SNX21: variants seen among roughly 807,000 people sequenced by gnomAD.
The protein encoded by SNX21 is sorting nexin family member 21.
A neutral mutation model predicts 30.9 loss-of-function variants in SNX21; 36 were observed. That is an observed-to-expected ratio of 1.16 (90% CI 0.89 to 1.54). The LOEUF (loss-of-function observed/expected upper bound fraction) is 1.54. Among genes scored for constraint, SNX21 ranks in the 40% most tolerant of loss-of-function variants. The pLI, the probability that SNX21 is intolerant of heterozygous loss-of-function variation, is 0.00. For synonymous variants in SNX21, 218 were observed against 222.7 expected, an observed-to-expected ratio of 0.98 and a Z score of 0.19; for missense variants, 508 against 516.5, an observed-to-expected ratio of 0.98 and a Z score of 0.16.
At chr20:45,839,408 C>T (rs903876264) in intron 3 of SNX21, among the ~76,000 whole-genome samples, 6 of 151,822 alleles carry the variant, frequency 4.0e-5, no homozygotes, top group Non-Finnish European at 8.8e-5. Context: ...CCCAGCTACT[C>T]GGGAGGCTGA....
At chr20:45,838,534 A>C (rs1423794233) in intron 3 of SNX21, among the ~76,000 whole-genome samples, 1 of 151,642 alleles carries the variant, frequency 6.6e-6, no homozygotes, top group Non-Finnish European at 1.5e-5. Flanking sequence ...TGGGCAGATC[A>C]CCTGAGGTCA....
At chr20:45,834,064 A>G (rs2145733045) in intron 1 of SNX21, 124 bp downstream of exon 1, 5 of 1,405,600 alleles carry the variant, frequency 3.6e-6, no homozygotes, top group Non-Finnish European at 4.7e-6. Flanking sequence ...CTGGTTCGCA[A>G]GACCTCGGAC....
chr20:45,839,055 G>A (rs1983783452), intron 3 of SNX21, among the ~76,000 whole-genome samples: 2 of 151,892 alleles, frequency 1.3e-5, no homozygotes, highest in Non-Finnish European at 2.9e-5. Flanking sequence ...CACCACGCCT[G>A]GCTAATTTTG....
Position 45,834,449 on chromosome 20 carries a change from G to T in SNX21, c.270G>T (p.Gly90=). 2.5e-6 allele frequency: 4 copies of T among 1,605,068 alleles called. No individual in the cohort carries two copies. The highest frequency in any genetic ancestry group is 3.4e-6 in the Non-Finnish European group (4 of 1,179,252). ...CTGACCAGCTGCCCCTCGGGGATGG[G>T]ACGTCAGGAGAAGACGCAGGCGAGT... ...AGPDQLPLGD[G]TSGEDAERSP... The change falls in exon 2 of 4, where the codon GGG becomes GGT. Residue 90 remains glycine, a synonymous_variant. Transcript: ENST00000491381.
rs10700546 is a variant in SNX21 at position 45,839,750 on chromosome 20, A to AT, written c.448-882dup. 0.01 allele frequency among the ~76,000 whole-genome samples: 1,497 copies of AT among 149,372 alleles called. 56 individuals are homozygous for AT. In the East Asian group the frequency reaches 0.13, roughly 13 times the overall value. Reference sequence around the variant, plus strand: ...TCTCCATACAAAAAAAAAAAAAAAAATTTTTTTAAATAGCTGAGTGTGGTG... The same window carrying AT: ...TCTCCATACAAAAAAAAAAAAAAAAATTTTTTTTAAATAGCTGAGTGTGGTG... On this transcript the variant is annotated intron_variant, in intron 3 of 3. Transcript: ENST00000491381.
intron 3 of SNX21, 52 bp from the exon 4 acceptor site, chr20:45,840,587 G>C: frequency 1.2e-6 from 2 of 1,613,900 alleles, no homozygotes; most frequent in East Asian, 4.5e-5. Flanking sequence ...GATGGGGAGG[G>C]AACGGGCCCG....
At position 45,842,380 on chromosome 20, in the gene SNX21, G is replaced by C; in HGVS notation, c.*1067G>C. ...TGAGAACAGTCTCCTTCAACAGCTCGGCCAAGCAGAACTGCTGTACCTCTG... is the reference window on the plus strand; with the variant it reads ...TGAGAACAGTCTCCTTCAACAGCTCCGCCAAGCAGAACTGCTGTACCTCTG... On this transcript the variant is annotated 3_prime_UTR_variant, in exon 4 of 4. Transcript: ENST00000491381. 2 of 1,284,080 alleles carry C rather than the reference G, an allele frequency of 1.6e-6. No homozygotes were observed. Among genetic ancestry groups the C allele is most frequent in the East Asian group, 3.4e-5 (1 of 29,082 alleles). 79.5% of individuals were successfully genotyped at this position (1,284,080 alleles called of 1,614,324 possible). A position where few individuals can be genotyped will look rare whatever the true frequency, so the allele number is the denominator to read the frequency against.
chr20:45,841,730 A>G lies in SNX21; in HGVS notation c.*417A>G. On this transcript the variant is annotated 3_prime_UTR_variant, in exon 4 of 4. Transcript: ENST00000491381. Reference sequence around the variant, plus strand: ...ATTAAAAGCCAGCCACTCCAGTGGTATCAGTCTCTTTATTGGATGTGAGGG... The same window carrying G: ...ATTAAAAGCCAGCCACTCCAGTGGTGTCAGTCTCTTTATTGGATGTGAGGG... 7.0e-7 allele frequency: 1 copy of G among 1,437,560 alleles called. No homozygotes were observed. The highest frequency in any genetic ancestry group is 2.9e-5 in the Admixed American group (1 of 34,738). 89.1% of individuals were successfully genotyped at this position (1,437,560 alleles called of 1,614,324 possible). A position where few individuals can be genotyped will look rare whatever the true frequency, so the allele number is the denominator to read the frequency against.
chr20:45,834,173 G>A, intron 1 of SNX21, 28 bp from the exon 2 acceptor site: 2 of 1,468,752 alleles, frequency 1.4e-6, no homozygotes, highest in South Asian at 1.4e-5. Flanking sequence ...TCCGGGATCC[G>A]GTACACAGCG....
chr20:45,841,612 C>G lies in SNX21; in HGVS notation c.*299C>G. 4 of 1,400,842 alleles carry G rather than the reference C, an allele frequency of 2.9e-6. No individual in the cohort carries two copies. The highest frequency in any genetic ancestry group is 3.7e-6 in the Non-Finnish European group (4 of 1,085,192). 86.8% of individuals were successfully genotyped at this position (1,400,842 alleles called of 1,614,324 possible). ...GTTCCCTTGTTGGTGGGCCCCCAAG[C>G]TGGCAAGGCCTCTTGGCTGAAGGCC... On this transcript the variant is annotated 3_prime_UTR_variant, in exon 4 of 4. Coordinates refer to ENST00000491381, the MANE Select transcript of SNX21 (RefSeq NM_033421.4).
At chr20:45,838,913 A>G (rs2145743678) in intron 3 of SNX21, among the ~76,000 whole-genome samples, 1 of 135,456 alleles carries the variant, frequency 7.4e-6, no homozygotes, top group Middle Eastern at 3.8e-3. Context: ...TTTTTTTTTG[A>G]GAGAGAGTTT....
chr20:45,840,956 CTA>C lies in SNX21; in HGVS notation c.767_768del (p.Tyr256SerfsTer2), dbSNP rs867656016. 3 of 1,610,806 alleles carry C rather than the reference CTA, an allele frequency of 1.9e-6. No individual in the cohort carries two copies. The African/African-American group carries it at 4.0e-5, about 22-fold the overall frequency. ...CACAGAGCCTCACCTGTACTGGCCT[CTA>C]TCGTGAGGCTCTGGCACTCTGGGCC... ...RAQSLTCTGL[Y>X]REALALWANA... On this transcript the variant is annotated frameshift_variant, in exon 4 of 4. Transcript: ENST00000491381. LOFTEE classifies it high-confidence loss of function.
chr20:45,842,585 C>T lies in SNX21; in HGVS notation c.*1272C>T. The T allele has an allele frequency of 1.0e-6, 1 of 994,280 alleles. No individual in the cohort carries two copies. Among genetic ancestry groups the T allele is most frequent in the Non-Finnish European group, 1.2e-6 (1 of 835,358 alleles). 61.6% of individuals were successfully genotyped at this position (994,280 alleles called of 1,614,324 possible). ...CTCCCCATCTGGAGACTCTTTCTCC[C>T]TTGCTGGCTTTGGGCCCAAGTTTGA... is the stretch of plus-strand genomic sequence containing the variant. On this transcript the variant is annotated 3_prime_UTR_variant, in exon 4 of 4. Transcript: ENST00000491381.
At chr20:45,840,507 C>T in intron 3 of SNX21, 132 bp from the exon 4 acceptor site, 1 of 1,613,674 alleles carries the variant, frequency 6.2e-7, no homozygotes, top group Non-Finnish European at 8.5e-7. Context: ...CTCCCGCCCT[C>T]CTGGGTGCTG....
chr20:45,839,431 G>T (rs1031505490), intron 3 of SNX21, among the ~76,000 whole-genome samples: 2 of 152,058 alleles, frequency 1.3e-5, no homozygotes, highest in Non-Finnish European at 2.9e-5. Flanking sequence ...CAGGAGAATG[G>T]AGTGAACCCA....
rs1356661503 is a variant in SNX21 at position 45,840,664 on chromosome 20, C to G, written c.473C>G (p.Pro158Arg). Residue 158 changes from proline (P) to arginine (R), a missense_variant, in exon 4 of 4, where the codon CCA becomes CGA. Transcript: ENST00000491381. ...CTCTACACCCTCGCCGTGATCGGCC[C>G]AGGACCGCCAGATTGCCAGCCAGCC... is the stretch of plus-strand genomic sequence containing the variant. ...YVLYTLAVIGPGPPDCQPAQI... is the reference protein window; with the variant it reads ...YVLYTLAVIGRGPPDCQPAQI... The G allele has an allele frequency of 3.1e-6, 5 of 1,614,178 alleles. 1 individual carries two copies. Among genetic ancestry groups the G allele is most frequent in the Non-Finnish European group, 2.5e-6 (3 of 1,180,024 alleles).
rs991142137 is a variant in SNX21, at chr20:45,842,276, C to A, written c.*963C>A. 7.0e-7 allele frequency: 1 copy of A among 1,429,718 alleles called. No homozygotes were observed. The highest frequency in any genetic ancestry group is 9.1e-7 in the Non-Finnish European group (1 of 1,097,602). 88.6% of individuals were successfully genotyped at this position (1,429,718 alleles called of 1,614,324 possible). The stretch of plus-strand genomic sequence containing the variant: ...CGTCATTGAGGGGTAACTCCTCCCA[C>A]AGGAACCCCAGTTGACAGTTTAAAA... On this transcript the variant is annotated 3_prime_UTR_variant, in exon 4 of 4. Transcript: ENST00000491381.
At chr20:45,837,885 G>A (rs1279091069) in intron 3 of SNX21, among the ~76,000 whole-genome samples, 4 of 150,300 alleles carry the variant, frequency 2.7e-5, no homozygotes, top group Admixed American at 2.0e-4. Flanking sequence ...CAATCCTCCC[G>A]CCTCAGCCTC....
In SNX21 at chr20:45,840,961, G is replaced by T. The variant is rs528650026; in HGVS notation, c.770G>T (p.Arg257Leu). The part of the protein sequence containing the change: ...AQSLTCTGLY[R>L]EALALWANAW... ...AGCCTCACCTGTACTGGCCTCTATC[G>T]TGAGGCTCTGGCACTCTGGGCCAAT... The change falls in exon 4 of 4, where the codon CGT (arginine) becomes CTT (leucine). Residue 257 changes from arginine (R) to leucine (L), a missense_variant. Transcript: ENST00000491381. 6.8e-6 allele frequency: 11 copies of T among 1,610,422 alleles called. No homozygotes were observed. Among genetic ancestry groups the T allele is most frequent in the Admixed American group, 3.3e-5 (2 of 59,834 alleles).
Sources: gnomAD v4.1 joint callset for allele counts (sites outside exome capture counted in the v4.1 genomes callset) on GRCh38, gnomAD v4.1.1 for gene constraint, MANE v1.5 for transcripts, NCBI Gene and HGNC (gene_info 2026-07-23, HGNC 2026-07-21) for gene names.